The following DGKI variants were observed in gnomAD, a reference collection of about 807,000 sequenced individuals.
DGKI encodes diacylglycerol kinase iota.
DGKI carries 55 observed loss-of-function variants against 147.5 expected under a neutral mutation model. That is an observed-to-expected ratio of 0.37 (90% CI 0.30 to 0.47). The LOEUF (loss-of-function observed/expected upper bound fraction) is 0.47, where lower values mean the gene tolerates loss of function less well. DGKI is among the 20% of genes least tolerant of loss of function. The pLI, the probability that DGKI is intolerant of heterozygous loss-of-function variation, is 1.00. For missense variants in DGKI, 1,007 were observed against 1,323.8 expected, an observed-to-expected ratio of 0.76 and a Z score of 3.71; for synonymous variants, 469 against 477.1, an observed-to-expected ratio of 0.98 and a Z score of 0.22.
rs1044420430 is a variant in DGKI at position 137,684,403 on chromosome 7, T to C, written c.510+5491A>G. 2.9e-4 allele frequency among the ~76,000 whole-genome samples: 44 copies of C among 152,372 alleles called. 1 individual carries two copies. Among genetic ancestry groups the C allele is most frequent in the African/African-American group, 1.1e-3 (44 of 41,590 alleles). On this transcript the variant is annotated intron_variant, in intron 2 of 32. Coordinates refer to ENST00000614521, the MANE Select transcript of DGKI (RefSeq NM_001321708.2). ...CAAAATATGGAATTAAAAATAATCTTACCTATTTCTTCTCACTTTTTAAAG... is the reference window on the plus strand; with the variant it reads ...CAAAATATGGAATTAAAAATAATCTCACCTATTTCTTCTCACTTTTTAAAG...
intron 19 of DGKI, among the ~76,000 whole-genome samples, chr7:137,553,136 A>G (rs1818109302): frequency 6.6e-6 from 1 of 152,214 alleles, no homozygotes; most frequent in African/African-American, 2.4e-5. Flanking sequence ...TCAAATCTAA[A>G]TTTAAGCATG....
In DGKI at chr7:137,565,010, T is replaced by TA. The variant is rs554238333; in HGVS notation, c.1947+6164dup. 5.1e-3 allele frequency among the ~76,000 whole-genome samples: 776 copies of TA among 152,334 alleles called. 5 individuals are homozygous for TA. Among genetic ancestry groups the TA allele is most frequent in the African/African-American group, 0.018 (756 of 41,576 alleles). On this transcript the variant is annotated intron_variant, in intron 19 of 32. Coordinates refer to ENST00000614521, the MANE Select transcript of DGKI (RefSeq NM_001321708.2). ...GGGCAAGTAAACAGTATGACATTTC[T>TA]AAAAAATAATTCTATAATTTTTAGT...
chr7:137,785,667 A>T (rs957898659), intron 1 of DGKI, among the ~76,000 whole-genome samples: 5 of 152,108 alleles, frequency 3.3e-5, no homozygotes, highest in African/African-American at 1.2e-4. Context: ...GAAGGACATT[A>T]AAAAAACAGA....
intron 21 of DGKI, among the ~76,000 whole-genome samples, chr7:137,505,370 T>C (rs1816331343): frequency 6.6e-6 from 1 of 152,066 alleles, no homozygotes; most frequent in Non-Finnish European, 1.5e-5. Flanking sequence ...AATAATCAGA[T>C]CTGAGCAATG....
chr7:137,625,536 T>C (rs1474964308), intron 6 of DGKI, among the ~76,000 whole-genome samples: 3 of 151,984 alleles, frequency 2.0e-5, no homozygotes, highest in Admixed American at 1.3e-4. Flanking sequence ...GGTTGGCATC[T>C]GGGAACTCGG....
chr7:137,468,651 A>C (rs545379896), intron 24 of DGKI, among the ~76,000 whole-genome samples: 1 of 152,350 alleles, frequency 6.6e-6, no homozygotes, highest in South Asian at 2.1e-4. Flanking sequence ...ATCTGGCACC[A>C]AAGTTATAAC....
intron 5 of DGKI, among the ~76,000 whole-genome samples, chr7:137,649,667 T>C (rs1042315151): frequency 2.0e-5 from 3 of 151,982 alleles, no homozygotes; most frequent in East Asian, 1.9e-4. Flanking sequence ...GCTCAGGTGA[T>C]GCGTGCACCA....
At chr7:137,807,538 A>T (rs929706141) in intron 1 of DGKI, among the ~76,000 whole-genome samples, 1 of 152,166 alleles carries the variant, frequency 6.6e-6, no homozygotes. Flanking sequence ...GTCACTGCAC[A>T]TCCCTGGGCC....
At chr7:137,844,001 A>G (rs1798636220) in intron 1 of DGKI, among the ~76,000 whole-genome samples, 1 of 151,954 alleles carries the variant, frequency 6.6e-6, no homozygotes, top group Admixed American at 6.6e-5. Context: ...CCTCCTCTCC[A>G]TAAGCTCCCA....
At chr7:137,501,947 T>C (rs994820543) in intron 21 of DGKI, among the ~76,000 whole-genome samples, 1 of 152,154 alleles carries the variant, frequency 6.6e-6, no homozygotes, top group African/African-American at 2.4e-5. Context: ...GTTCTCATGA[T>C]AGTGAATGGG....
intron 1 of DGKI, among the ~76,000 whole-genome samples, chr7:137,734,879 A>T (rs775348208): frequency 2.6e-5 from 4 of 152,218 alleles, no homozygotes; most frequent in East Asian, 1.9e-4. Context: ...CCTGGCACAG[A>T]GTGCGTGATC....
chr7:137,408,084 A>T, intron 29 of DGKI, 89 bp from the exon 30 acceptor site: 2 of 1,496,430 alleles, frequency 1.3e-6, no homozygotes, highest in Non-Finnish European at 1.8e-6. Flanking sequence ...GTCATGTAGC[A>T]GACCACAATG....
intron 30 of DGKI, among the ~76,000 whole-genome samples, chr7:137,397,822 C>T (rs1194048603): frequency 6.6e-6 from 1 of 152,140 alleles, no homozygotes; most frequent in African/African-American, 2.4e-5. Flanking sequence ...AATATTAAGG[C>T]TGTAAGATAC....
chr7:137,689,326 A>T (rs889186516), intron 2 of DGKI, among the ~76,000 whole-genome samples: 6 of 152,226 alleles, frequency 3.9e-5, no homozygotes, highest in Non-Finnish European at 7.3e-5. Flanking sequence ...TGTTTAATCA[A>T]CTAAAGAGTT....
chr7:137,639,286 A>T (rs953477866), intron 6 of DGKI, among the ~76,000 whole-genome samples: 2 of 152,228 alleles, frequency 1.3e-5, no homozygotes, highest in Non-Finnish European at 2.9e-5. Flanking sequence ...CTTGGGCCAG[A>T]TTCTCCAAAA....
At chr7:137,395,909 C>A in intron 31 of DGKI, 2 of 525,530 alleles carry the variant, frequency 3.8e-6, no homozygotes, top group Non-Finnish European at 6.8e-6. Flanking sequence ...GACTCTAGCC[C>A]CCTTTCCAAA....
At chr7:137,729,191 T>C (rs536477100) in intron 1 of DGKI, among the ~76,000 whole-genome samples, 2 of 152,278 alleles carry the variant, frequency 1.3e-5, no homozygotes, top group African/African-American at 4.8e-5. Flanking sequence ...TGCCTACTAA[T>C]ACAAAGACAT....
chr7:137,463,689 A>C, intron 26 of DGKI, 78 bp from the exon 27 acceptor site: 2 of 1,549,590 alleles, frequency 1.3e-6, no homozygotes, highest in Non-Finnish European at 8.8e-7. Flanking sequence ...CTGAAGATGA[A>C]TCTTGCCAGT....
chr7:137,825,630 T>TCA (rs1166350575), intron 1 of DGKI, among the ~76,000 whole-genome samples: 1 of 150,794 alleles, frequency 6.6e-6, no homozygotes, highest in Non-Finnish European at 1.5e-5. Context: ...ACACACACTC[T>TCA]CACACACACA....
Sources: allele counts gnomAD v4.1 joint callset (sites outside exome capture counted in the v4.1 genomes callset), GRCh38; gene constraint gnomAD v4.1.1; transcripts MANE v1.5; gene names NCBI Gene and HGNC (gene_info 2026-07-23, HGNC 2026-07-21).